The following STX8 variants were observed in gnomAD, a reference collection of about 807,000 sequenced individuals.
STX8 encodes the protein syntaxin-8.
In STX8, 23 loss-of-function variants were observed where a neutral mutation model predicts 37.5. The observed-to-expected ratio is 0.61, with a 90% confidence interval of 0.44 to 0.87. The LOEUF (loss-of-function observed/expected upper bound fraction) is 0.87, where lower values mean the gene tolerates loss of function less well. Among genes scored for constraint, STX8 ranks in the 40% least tolerant of loss-of-function variants. STX8 has a pLI of 0.00. For synonymous variants in STX8, 115 were observed against 99.1 expected (o/e 1.16, Z -0.95); for missense variants, 313 against 284.7 (o/e 1.10, Z -0.71).
intron 3 of STX8, chr17:9,554,970 G>A (rs2151914705): frequency 6.6e-6 from 1 of 152,122 alleles, no homozygotes; most frequent in South Asian, 2.1e-4. Flanking sequence ...GCCCTCATGG[G>A]GTGGATTAGC....
At chr17:9,493,677 T>C (rs1274784953) in intron 5 of STX8, among the ~76,000 whole-genome samples, 1 of 152,218 alleles carries the variant, frequency 6.6e-6, no homozygotes, top group East Asian at 1.9e-4. Flanking sequence ...TGTCTCAGCC[T>C]GAGACTTGGT....
intron 6 of STX8, among the ~76,000 whole-genome samples, chr17:9,382,355 C>CAATATATCAATCA (rs1911853833): frequency 6.6e-6 from 1 of 152,164 alleles, no homozygotes; most frequent in Non-Finnish European, 1.5e-5. Context: ...TGCTTAAATT[C>CAATATATCAATCA]AACTATATCA....
intron 6 of STX8, among the ~76,000 whole-genome samples, chr17:9,472,711 G>T (rs16958320): frequency 0.38 from 57,753 of 152,140 alleles, 11,906 homozygotes; most frequent in East Asian, 0.84. Context: ...AATAGGAACA[G>T]CGGTGAATGA....
chr17:9,322,119 C>T (rs186972026), intron 7 of STX8, among the ~76,000 whole-genome samples: 2 of 152,286 alleles, frequency 1.3e-5, no homozygotes, highest in East Asian at 3.9e-4. Context: ...CTATCCAGAC[C>T]CCAGCCAGCA....
intron 6 of STX8, among the ~76,000 whole-genome samples, chr17:9,453,958 G>A (rs1905116726): frequency 6.6e-6 from 1 of 152,136 alleles, no homozygotes; most frequent in African/African-American, 2.4e-5. Context: ...GGGAAGGCGA[G>A]GCTCTGGGAA....
In STX8 at chr17:9,271,620, C is replaced by T. The variant is rs1182117028; in HGVS notation, c.644-20975G>A. On this transcript the variant is annotated intron_variant, in intron 7 of 7. Coordinates refer to ENST00000306357, the MANE Select transcript of STX8 (RefSeq NM_004853.3). ...CAAAAATTAGATGGGCGTGGTAGCA[C>T]GCACCTGTAGTCCCAGCTACTCGGG... 2.6e-5 allele frequency among the ~76,000 whole-genome samples: 4 copies of T among 152,032 alleles called. No homozygotes were observed. The South Asian group carries it at 6.2e-4, about 24-fold the overall frequency.
intron 7 of STX8, among the ~76,000 whole-genome samples, chr17:9,335,121 C>T (rs1366401716): frequency 6.6e-6 from 1 of 152,134 alleles, no homozygotes; most frequent in African/African-American, 2.4e-5. Context: ...ACTCATACCC[C>T]TGCTCTCTTT....
rs553116579 is a variant in STX8, at chr17:9,466,363, T to C, written c.541+25466A>G. 6.6e-5 allele frequency among the ~76,000 whole-genome samples: 10 copies of C among 152,278 alleles called. No individual in the cohort carries two copies. The East Asian group carries it at 1.9e-3, about 29-fold the overall frequency. On this transcript the variant is annotated intron_variant, in intron 6 of 7. Transcript: ENST00000306357. Reference sequence around the variant, plus strand: ...AGATGGAAGAAACATTAAAACCTAATAGGTATTGGCTGTGTGGGATGCCTT... The same window carrying C: ...AGATGGAAGAAACATTAAAACCTAACAGGTATTGGCTGTGTGGGATGCCTT...
intron 4 of STX8, among the ~76,000 whole-genome samples, chr17:9,540,040 G>C (rs561231540): frequency 6.6e-6 from 1 of 152,334 alleles, no homozygotes; most frequent in Non-Finnish European, 1.5e-5. Flanking sequence ...TATTAGGTAT[G>C]AGAAGTTGGG....
At chr17:9,369,073 A>G (rs1032172927) in intron 7 of STX8, among the ~76,000 whole-genome samples, 1 of 152,180 alleles carries the variant, frequency 6.6e-6, no homozygotes, top group African/African-American at 2.4e-5. Context: ...GGCGTGAGCC[A>G]CTGTGCCCAG....
intron 6 of STX8, among the ~76,000 whole-genome samples, chr17:9,379,000 T>C (rs895543244): frequency 7.9e-5 from 12 of 151,816 alleles, no homozygotes; most frequent in Non-Finnish European, 1.5e-4. Context: ...ATCCCAGCAC[T>C]TTGGAAGGCT....
chr17:9,452,830 C>T (rs563739933), intron 6 of STX8, among the ~76,000 whole-genome samples: 19 of 151,162 alleles, frequency 1.3e-4, no homozygotes, highest in Admixed American at 5.9e-4. Flanking sequence ...GACAGAGTCT[C>T]GCTCTGTTGC....
In STX8 at chr17:9,378,566, T is replaced by C; in HGVS notation, c.629A>G (p.Lys210Arg). ...ETRRVNMVDRKSASCGMIMVI... is the reference protein window; with the variant it reads ...ETRRVNMVDRRSASCGMIMVI... ...CTATCTCTTACCACAAGAGGCTGAC[T>C]TTCTGTCCACCATGTTTACCCGCCT... Residue 210 changes from lysine (K) to arginine (R), a missense_variant, in exon 7 of 8, where the codon AAG (lysine) becomes AGG (arginine). Coordinates refer to ENST00000306357, the MANE Select transcript of STX8 (RefSeq NM_004853.3). The C allele has an allele frequency of 6.2e-7, 1 of 1,613,692 alleles. No individual in the cohort carries two copies. Among genetic ancestry groups the C allele is most frequent in the Non-Finnish European group, 8.5e-7 (1 of 1,179,676 alleles).
intron 7 of STX8, among the ~76,000 whole-genome samples, chr17:9,311,546 A>C (rs1950483802): frequency 6.6e-6 from 1 of 152,236 alleles, no homozygotes; most frequent in Non-Finnish European, 1.5e-5. Flanking sequence ...GAAATGAGGC[A>C]CATATATCTT....
chr17:9,476,844 C>T (rs921685491), intron 6 of STX8, among the ~76,000 whole-genome samples: 1 of 151,754 alleles, frequency 6.6e-6, no homozygotes, highest in Non-Finnish European at 1.5e-5. Flanking sequence ...GTCCCACGTG[C>T]CTCTTTTTCT....
chr17:9,487,478 T>C (rs960200511), intron 6 of STX8, among the ~76,000 whole-genome samples: 2 of 152,124 alleles, frequency 1.3e-5, no homozygotes, highest in Non-Finnish European at 2.9e-5. Flanking sequence ...AAGCTGATGA[T>C]GGTCTTGGCA....
At chr17:9,327,458 T>TAG (rs1246638888) in intron 7 of STX8, among the ~76,000 whole-genome samples, 3 of 151,960 alleles carry the variant, frequency 2.0e-5, no homozygotes, top group Non-Finnish European at 4.4e-5. Flanking sequence ...TTTCTATGCT[T>TAG]AGGTTGGATG....
chr17:9,501,741 A>G (rs1306106382), intron 5 of STX8, among the ~76,000 whole-genome samples: 1 of 152,062 alleles, frequency 6.6e-6, no homozygotes, highest in African/African-American at 2.4e-5. Context: ...TGGGAGGCCG[A>G]GGCAGGCGGA....
intron 6 of STX8, among the ~76,000 whole-genome samples, chr17:9,443,955 A>T (rs1057300595): frequency 2.0e-5 from 3 of 152,014 alleles, no homozygotes; most frequent in Admixed American, 2.0e-4. Context: ...GGCCCTTTTC[A>T]TGAATAACTT....
Sources: allele counts gnomAD v4.1 joint callset (sites outside exome capture counted in the v4.1 genomes callset), GRCh38; gene constraint gnomAD v4.1.1; transcripts MANE v1.5; gene names NCBI Gene and HGNC (gene_info 2026-07-23, HGNC 2026-07-21).